The following MYO3B variants were observed in gnomAD, a reference collection of about 807,000 sequenced individuals.
The protein encoded by MYO3B is myosin-IIIb.
In MYO3B, 156 loss-of-function variants were observed where a neutral mutation model predicts 174.6. That is an observed-to-expected ratio of 0.89 (90% CI 0.78 to 1.02). The LOEUF (loss-of-function observed/expected upper bound fraction) is 1.02, where lower values mean the gene tolerates loss of function less well. Among genes scored for constraint, MYO3B ranks in the 50% least tolerant of loss-of-function variants. The pLI, the probability that MYO3B is intolerant of heterozygous loss-of-function variation, is 0.00. For missense variants in MYO3B, 1,632 were observed against 1,639.4 expected, an observed-to-expected ratio of 1.00 and a Z score of 0.08; for synonymous variants, 563 against 569.1, an observed-to-expected ratio of 0.99 and a Z score of 0.15.
intron 7 of MYO3B, among the ~76,000 whole-genome samples, chr2:170,271,986 C>T (rs891984133): frequency 2.6e-5 from 4 of 151,938 alleles, no homozygotes; most frequent in Non-Finnish European, 5.9e-5. Context: ...CTTGCAGATG[C>T]CAGCTGACTG....
At position 170,214,426 on chromosome 2, in the gene MYO3B, A is replaced by T. The variant is rs374832449; in HGVS notation, c.369A>T (p.Arg123Ser). The change falls in exon 4 of 35, where the codon AGA (arginine) becomes AGT (serine). Residue 123 changes from arginine (R) to serine (S), a missense_variant. Coordinates refer to ENST00000408978, the MANE Select transcript of MYO3B (RefSeq NM_138995.5). ...SVTELVKGLLRCGQRLDEAMI... is the reference protein window; with the variant it reads ...SVTELVKGLLSCGQRLDEAMI... ...CTGAGCTTGTCAAAGGTCTACTCAG[A>T]TGTGGCCAGCGGTTGGATGAAGCAA... 6.2e-7 allele frequency: 1 copy of T among 1,614,124 alleles called. No individual in the cohort carries two copies. Among genetic ancestry groups the T allele is most frequent in the Non-Finnish European group, 8.5e-7 (1 of 1,180,010 alleles).
chr2:170,411,300 T>C (rs1490183534), intron 22 of MYO3B, among the ~76,000 whole-genome samples: 1 of 152,218 alleles, frequency 6.6e-6, no homozygotes, highest in Non-Finnish European at 1.5e-5. Flanking sequence ...TTAGTTGATT[T>C]CATCGTTGTA....
intron 22 of MYO3B, among the ~76,000 whole-genome samples, chr2:170,436,258 AG>A (rs752928217): frequency 5.9e-4 from 90 of 152,316 alleles, no homozygotes; most frequent in Admixed American, 1.2e-3. Flanking sequence ...GAGGCTGTCT[AG>A]GGGGTGAAGC....
intron 32 of MYO3B, among the ~76,000 whole-genome samples, chr2:170,609,490 G>A (rs761055710): frequency 5.9e-5 from 9 of 152,154 alleles, no homozygotes; most frequent in Non-Finnish European, 1.0e-4. Flanking sequence ...CAGGTGTGGA[G>A]GGAAATTGCT....
chr2:170,286,809 AC>A (rs2093560122), intron 7 of MYO3B, among the ~76,000 whole-genome samples: 1 of 151,908 alleles, frequency 6.6e-6, no homozygotes, highest in African/African-American at 2.4e-5. Flanking sequence ...TATCATCTTT[AC>A]CATTTTTAAG....
In MYO3B at chr2:170,387,117, G is replaced by A; in HGVS notation, c.1386G>A (p.Gln462=). The A allele has an allele frequency of 6.2e-7, 1 of 1,613,976 alleles. No individual in the cohort carries two copies. Among genetic ancestry groups the A allele is most frequent in the Non-Finnish European group, 8.5e-7 (1 of 1,179,854 alleles). ...HLTFLGKANN[Q]TLREKILQVN... ...TCTGTTTGGCACAGGCCAATAATCA[G>A]ACCTTGAGAGAGAAAATTCTACAAG... is the stretch of plus-strand genomic sequence containing the variant. Residue 462 remains glutamine (Q), a synonymous_variant, in exon 14 of 35, where the codon CAG becomes CAA. Coordinates refer to ENST00000408978, the MANE Select transcript of MYO3B (RefSeq NM_138995.5).
intron 25 of MYO3B, among the ~76,000 whole-genome samples, chr2:170,472,959 G>A (rs1351010593): frequency 6.6e-6 from 1 of 151,512 alleles, no homozygotes; most frequent in Non-Finnish European, 1.5e-5. Flanking sequence ...CCTCAGCCTC[G>A]CAAACTGGTG....
chr2:170,541,288 T>C (rs10202880), intron 30 of MYO3B, among the ~76,000 whole-genome samples: 6,958 of 152,242 alleles, frequency 0.046, 511 homozygotes, highest in African/African-American at 0.16. Context: ...ACCCATCCTA[T>C]AGGTGTGTCA....
At chr2:170,478,302 G>T (rs532414627) in intron 25 of MYO3B, among the ~76,000 whole-genome samples, 1 of 152,118 alleles carries the variant, frequency 6.6e-6, no homozygotes, top group South Asian at 2.1e-4. Flanking sequence ...TCTCAGAGAA[G>T]AAATCTAATA....
At chr2:170,498,822 A>C in intron 26 of MYO3B, 119 bp downstream of exon 26, 1 of 637,358 alleles carries the variant, frequency 1.6e-6, no homozygotes, top group Admixed American at 2.6e-5. Context: ...CTCCAACGTA[A>C]CAATGGTCTT....
At chr2:170,399,085 A>G (rs565250110) in intron 16 of MYO3B, among the ~76,000 whole-genome samples, 1 of 152,004 alleles carries the variant, frequency 6.6e-6, no homozygotes, top group South Asian at 2.1e-4. Context: ...TCTACTAAAA[A>G]TACAAAATTG....
chr2:170,550,498 A>G (rs776467602), intron 32 of MYO3B, among the ~76,000 whole-genome samples: 4 of 152,180 alleles, frequency 2.6e-5, no homozygotes, highest in Non-Finnish European at 5.9e-5. Flanking sequence ...TTCCCTTTGA[A>G]AATCACTGCT....
chr2:170,438,399 A>C (rs1038923820), intron 22 of MYO3B, among the ~76,000 whole-genome samples: 2 of 151,410 alleles, frequency 1.3e-5, no homozygotes, highest in African/African-American at 4.9e-5. Flanking sequence ...CAGGAGTGCA[A>C]ATATCTCTTG....
intron 7 of MYO3B, among the ~76,000 whole-genome samples, chr2:170,312,662 A>G (rs1302541736): frequency 2.6e-5 from 4 of 152,232 alleles, no homozygotes; most frequent in African/African-American, 9.6e-5. Flanking sequence ...TTATTTTGCA[A>G]TTAGCTAAGG....
chr2:170,284,216 A>G (rs1410536106), intron 7 of MYO3B, among the ~76,000 whole-genome samples: 1 of 152,222 alleles, frequency 6.6e-6, no homozygotes, highest in Non-Finnish European at 1.5e-5. Flanking sequence ...TTAAATGTCC[A>G]AATGAGCACC....
At chr2:170,524,520 G>T (rs1435358345) in intron 30 of MYO3B, 4 of 448,460 alleles carry the variant, frequency 8.9e-6, no homozygotes, top group Admixed American at 4.8e-5. Flanking sequence ...GTTTCACTCT[G>T]TTGCTCAGGC....
intron 32 of MYO3B, among the ~76,000 whole-genome samples, chr2:170,619,602 G>A (rs557291209): frequency 6.6e-6 from 1 of 152,118 alleles, no homozygotes; most frequent in African/African-American, 2.4e-5. Flanking sequence ...CACCACATGG[G>A]ACTCTTTACA....
intron 8 of MYO3B, chr2:170,344,499 A>C (rs1277368932): frequency 6.6e-6 from 1 of 151,282 alleles, no homozygotes; most frequent in Non-Finnish European, 1.5e-5. Flanking sequence ...CGGGGCGGGA[A>C]GGCTTTCTGG....
intron 32 of MYO3B, among the ~76,000 whole-genome samples, chr2:170,636,152 T>TA (rs1451347176): frequency 6.6e-6 from 1 of 152,212 alleles, no homozygotes; most frequent in Non-Finnish European, 1.5e-5. Flanking sequence ...GCATGTGTGT[T>TA]ACGATCTCTC....
Sources: allele counts gnomAD v4.1 joint callset (sites outside exome capture counted in the v4.1 genomes callset), GRCh38; gene constraint gnomAD v4.1.1; transcripts MANE v1.5; gene names NCBI Gene and HGNC (gene_info 2026-07-23, HGNC 2026-07-21).